The following LRP1B variants were observed in gnomAD, a reference collection of about 807,000 sequenced individuals.
LRP1B encodes LDL receptor related protein 1B, also known as low-density lipoprotein receptor-related protein 1B.
Under a neutral mutation model 556.6 loss-of-function variants are expected in LRP1B, and 217 were observed. The observed-to-expected ratio is 0.39, with a 90% CI of 0.35 to 0.44. The LOEUF is 0.44. Among genes scored for constraint, LRP1B ranks in the 20% least tolerant of loss-of-function variants. The probability of loss-of-function intolerance (pLI) is 1.00; values close to 1 mark genes in which losing one functional copy is unlikely to be tolerated. For missense variants in LRP1B, 5,053 were observed against 5,620.8 expected, an observed-to-expected ratio of 0.90 and a Z score of 3.23; for synonymous variants, 2,047 against 1,865.8, an observed-to-expected ratio of 1.10 and a Z score of -2.50.
intron 3 of LRP1B, among the ~76,000 whole-genome samples, chr2:141,354,623 G>A (rs1354052994): frequency 2.6e-5 from 4 of 151,888 alleles, no homozygotes; most frequent in Non-Finnish European, 4.4e-5. Flanking sequence ...TAAAACGACC[G>A]AGGAGGAAAA....
At chr2:141,096,627 GGGGA>G (rs1375083476) in intron 7 of LRP1B, among the ~76,000 whole-genome samples, 6,625 of 50,410 alleles carry the variant, frequency 0.13, 1,030 homozygotes, top group Non-Finnish European at 0.17. Flanking sequence ...ACGGGGAGAG[GGGGA>G]GAGAGAGAGA....
chr2:140,951,006 A>G (rs1408246932), intron 19 of LRP1B, among the ~76,000 whole-genome samples: 1 of 152,168 alleles, frequency 6.6e-6, no homozygotes, highest in Non-Finnish European at 1.5e-5. Context: ...CCACACAGAA[A>G]TAACTAACCA....
intron 79 of LRP1B, among the ~76,000 whole-genome samples, 166 bp downstream of exon 79, chr2:140,334,287 G>T (rs1680962129): frequency 6.6e-6 from 1 of 151,988 alleles, no homozygotes. Flanking sequence ...TGATTTTCAA[G>T]TTGAGAAAAT....
At chr2:140,781,323 C>T (rs1689690798) in intron 32 of LRP1B, among the ~76,000 whole-genome samples, 1 of 152,160 alleles carries the variant, frequency 6.6e-6, no homozygotes, top group African/African-American at 2.4e-5. Flanking sequence ...TTTCATCATG[C>T]ATAATTCTTG....
intron 1 of LRP1B, among the ~76,000 whole-genome samples, chr2:141,938,154 A>T (rs886212568): frequency 6.6e-6 from 1 of 152,162 alleles, no homozygotes; most frequent in African/African-American, 2.4e-5. Context: ...AACAATCAAG[A>T]AAATAAAAAA....
At chr2:141,820,618 TTTG>T (rs1459551008) in intron 1 of LRP1B, among the ~76,000 whole-genome samples, 1 of 152,170 alleles carries the variant, frequency 6.6e-6, no homozygotes, top group Non-Finnish European at 1.5e-5. Context: ...ATCAATAATT[TTTG>T]TTGTCATGCT....
At chr2:141,349,142 A>T (rs142160608) in intron 3 of LRP1B, among the ~76,000 whole-genome samples, 1,782 of 152,170 alleles carry the variant, frequency 0.012, 24 homozygotes, top group Middle Eastern at 0.02. Context: ...ACTTCCAAGG[A>T]TCCAGATCCT....
chr2:141,060,778 T>G (rs531057091), intron 8 of LRP1B, among the ~76,000 whole-genome samples: 1 of 151,686 alleles, frequency 6.6e-6, no homozygotes. Context: ...AATTACACCC[T>G]AGGCAGAGGT....
chr2:141,164,901 C>T (rs1402247158), intron 7 of LRP1B, among the ~76,000 whole-genome samples: 1 of 152,046 alleles, frequency 6.6e-6, no homozygotes, highest in Admixed American at 6.6e-5. Flanking sequence ...ACTAAAGTTA[C>T]TAACCCTTAT....
chr2:141,953,944 T>C (rs1196333787), intron 1 of LRP1B, among the ~76,000 whole-genome samples: 1 of 152,098 alleles, frequency 6.6e-6, no homozygotes, highest in South Asian at 2.1e-4. Flanking sequence ...CCCAAATATA[T>C]GGTAATAACT....
At chr2:140,490,667 C>T (rs1016916569) in intron 57 of LRP1B, among the ~76,000 whole-genome samples, 2 of 152,062 alleles carry the variant, frequency 1.3e-5, no homozygotes, top group African/African-American at 2.4e-5. Context: ...CCTAGAACTC[C>T]TTTAAAATTT....
Position 140,234,878 on chromosome 2 carries a change from A to G in LRP1B, c.13567T>C (p.Tyr4523His). The change falls in exon 90 of 91, where the codon TAC (tyrosine) becomes CAC (histidine). Residue 4523 changes from tyrosine to histidine, a missense_variant. Coordinates refer to ENST00000389484, the MANE Select transcript of LRP1B (RefSeq NM_018557.3). Reference sequence around the variant, plus strand: ...AAAGCACTGGGTCCTCCCCCTATGTACCTGGCCTGTATATAAACAGAAAAT... The same window carrying G: ...AAAGCACTGGGTCCTCCCCCTATGTGCCTGGCCTGTATATAAACAGAAAAT... ...GFMIDPTKAR[Y>H]IGGGPSAFKL... is the part of the protein sequence containing the mutation. 1 of 774,368 alleles carries G rather than the reference A, an allele frequency of 1.3e-6. No homozygotes were observed. The highest frequency in any genetic ancestry group is 2.4e-6 in the Non-Finnish European group (1 of 414,290). 48.0% of individuals were successfully genotyped at this position (774,368 alleles called of 1,614,324 possible).
At chr2:140,981,472 T>C (rs1304223725) in intron 18 of LRP1B, among the ~76,000 whole-genome samples, 1 of 152,150 alleles carries the variant, frequency 6.6e-6, no homozygotes, top group Non-Finnish European at 1.5e-5. Context: ...TGGCTCATTC[T>C]GTTACTGTGT....
At chr2:141,653,962 T>C (rs1353996654) in intron 2 of LRP1B, among the ~76,000 whole-genome samples, 1 of 152,222 alleles carries the variant, frequency 6.6e-6, no homozygotes, top group Non-Finnish European at 1.5e-5. Flanking sequence ...AAGCTTACAA[T>C]AATTACAGAG....
chr2:141,444,475 T>A (rs1400705079), intron 3 of LRP1B, among the ~76,000 whole-genome samples: 1 of 152,096 alleles, frequency 6.6e-6, no homozygotes, highest in Non-Finnish European at 1.5e-5. Context: ...AGAATAGGAG[T>A]GGTGAAAGAG....
At chr2:142,026,870 T>A (rs1459642350) in intron 1 of LRP1B, among the ~76,000 whole-genome samples, 1 of 152,058 alleles carries the variant, frequency 6.6e-6, no homozygotes. Context: ...ATTTTTCATA[T>A]CTTCTCATGG....
chr2:141,495,691 T>C (rs17549958), intron 2 of LRP1B, among the ~76,000 whole-genome samples: 4,196 of 152,216 alleles, frequency 0.028, 96 homozygotes, highest in Non-Finnish European at 0.037. Context: ...CGTTGAAGAC[T>C]GACCTTTAAA....
chr2:141,356,351 A>T (rs1355793657), intron 3 of LRP1B, among the ~76,000 whole-genome samples: 2 of 152,140 alleles, frequency 1.3e-5, no homozygotes, highest in Non-Finnish European at 2.9e-5. Flanking sequence ...GCAAGTGCAC[A>T]GTTGGAATTT....
intron 66 of LRP1B, among the ~76,000 whole-genome samples, chr2:140,403,370 T>C (rs1684590549): frequency 1.3e-5 from 2 of 152,070 alleles, no homozygotes; most frequent in South Asian, 2.1e-4. Context: ...AAATTACATG[T>C]TTTTTTAAAT....
Sources: gnomAD v4.1 joint callset for allele counts (sites outside exome capture counted in the v4.1 genomes callset) on GRCh38, gnomAD v4.1.1 for gene constraint, MANE v1.5 for transcripts, NCBI Gene and HGNC (gene_info 2026-07-23, HGNC 2026-07-21) for gene names.